The following RAC2 variants were observed in gnomAD, a reference collection of about 807,000 sequenced individuals.
RAC2 encodes ras-related C3 botulinum toxin substrate 2.
RAC2 carries 1 observed loss-of-function variant against 24.0 expected under a neutral mutation model. The ratio of observed to expected loss-of-function variants is 0.04; its 90% CI spans 0.01 to 0.20. The LOEUF (loss-of-function observed/expected upper bound fraction) is 0.20, where lower values mean the gene tolerates loss of function less well. Ranked by LOEUF, RAC2 falls within the 10% of genes least tolerant of loss-of-function variation. The pLI, the probability that RAC2 is intolerant of heterozygous loss-of-function variation, is 1.00. For synonymous variants in RAC2, 114 were observed against 106.8 expected, an observed-to-expected ratio of 1.07 and a Z score of -0.41; for missense variants, 130 against 259.1, an observed-to-expected ratio of 0.50 and a Z score of 3.42.
At chr22:37,229,619 C>A (rs1158482683) in intron 5 of RAC2, among the ~76,000 whole-genome samples, 1 of 152,176 alleles carries the variant, frequency 6.6e-6, no homozygotes, top group Non-Finnish European at 1.5e-5. Context: ...CCCTCACTAT[C>A]CCTGCCAGTC....
At chr22:37,227,536 C>CA (rs1569088044) in intron 5 of RAC2, among the ~76,000 whole-genome samples, 3 of 46,984 alleles carry the variant, frequency 6.4e-5, no homozygotes, top group East Asian at 9.2e-4. Flanking sequence ...ACGCCATACA[C>CA]CCCCTCCCAC....
intron 2 of RAC2, among the ~76,000 whole-genome samples, chr22:37,233,898 A>C (rs9607431): frequency 0.13 from 20,436 of 152,122 alleles, 1,474 homozygotes; most frequent in East Asian, 0.26. Context: ...CCAGGGAAAG[A>C]GGGCTGCTTC....
Position 37,226,619 on chromosome 22 carries a change from A to G in RAC2, c.*2+52T>C, listed in dbSNP as rs113662685. The G allele has an allele frequency of 6.6e-4, 1,050 of 1,599,854 alleles. 6 individuals carry two copies. In the African/African-American group the frequency reaches 0.011, roughly 17 times the overall value. ...CACAGTGAACCAAAGGCCACTGCTC[A>G]GCCAGGGCCTGCTGTGTATGGGAGT... On this transcript the variant is annotated intron_variant, in intron 6 of 6. Coordinates refer to ENST00000249071, the MANE Select transcript of RAC2 (RefSeq NM_002872.5).
chr22:37,238,867 C>G (rs1244023232), intron 2 of RAC2, among the ~76,000 whole-genome samples: 1 of 152,226 alleles, frequency 6.6e-6, no homozygotes, highest in Non-Finnish European at 1.5e-5. Flanking sequence ...GTGTCAGTTC[C>G]GAAGGTTCAG....
rs549367562 is a variant in RAC2 at position 37,231,191 on chromosome 22, C to T, written c.448+40G>A. 6.2e-7 allele frequency: 1 copy of T among 1,611,168 alleles called. No homozygotes were observed. Among genetic ancestry groups the T allele is most frequent in the African/African-American group, 1.3e-5 (1 of 74,946 alleles). On this transcript the variant is annotated intron_variant, in intron 5 of 6. Coordinates refer to ENST00000249071, the MANE Select transcript of RAC2 (RefSeq NM_002872.5). The surrounding 1 kb of genome is among the most constrained non-coding windows in gnomAD (Gnocchi z 5.5). ...CACCACGAGGCCAAGTCAGGGCCTC[C>T]CCTGCAGCCAGATCGCCCCTCTGAG...
Position 37,244,218 on chromosome 22 carries a change from G to A in RAC2, c.-70C>T. 6.3e-7 allele frequency: 1 copy of A among 1,581,026 alleles called. No homozygotes were observed. The highest frequency in any genetic ancestry group is 2.3e-5 in the East Asian group (1 of 43,482). ...AGGCGCGTTTCTGCGGGCGCAAGGGGTGTGGAGGCTGGTGAGGCGCCTGCT... is the reference window on the plus strand; with the variant it reads ...AGGCGCGTTTCTGCGGGCGCAAGGGATGTGGAGGCTGGTGAGGCGCCTGCT... On this transcript the variant is annotated 5_prime_UTR_variant, in exon 1 of 7. Transcript: ENST00000249071.
At chr22:37,233,507 C>T (rs1927137697) in intron 2 of RAC2, among the ~76,000 whole-genome samples, 1 of 152,088 alleles carries the variant, frequency 6.6e-6, no homozygotes, top group Non-Finnish European at 1.5e-5. Flanking sequence ...GGTCTCGAAC[C>T]CCTGAACTTA....
intron 2 of RAC2, among the ~76,000 whole-genome samples, chr22:37,235,678 G>C (rs955875079): frequency 6.6e-6 from 1 of 152,220 alleles, no homozygotes; most frequent in Non-Finnish European, 1.5e-5. Flanking sequence ...GACACAGTGA[G>C]GCATGATGGG....
At chr22:37,226,257 C>T (rs1180168969) in intron 6 of RAC2, among the ~76,000 whole-genome samples, 1 of 151,956 alleles carries the variant, frequency 6.6e-6, no homozygotes, top group Non-Finnish European at 1.5e-5. Flanking sequence ...ACTCACTGAC[C>T]CCACCATCTG....
At chr22:37,243,617 C>G (rs1927473904) in intron 1 of RAC2, among the ~76,000 whole-genome samples, 2 of 152,188 alleles carry the variant, frequency 1.3e-5, no homozygotes, top group South Asian at 4.1e-4. Flanking sequence ...CTCAAGCGAC[C>G]CCACAGCATC....
At chr22:37,236,894 TTTA>T (rs1927240546) in intron 2 of RAC2, among the ~76,000 whole-genome samples, 2 of 152,046 alleles carry the variant, frequency 1.3e-5, no homozygotes, top group African/African-American at 4.8e-5. Context: ...CAGATTTGCA[TTTA>T]TAAAAGGTCC....
At chr22:37,228,396 G>A (rs756011075) in intron 5 of RAC2, among the ~76,000 whole-genome samples, 7 of 152,242 alleles carry the variant, frequency 4.6e-5, no homozygotes, top group African/African-American at 7.2e-5. Flanking sequence ...CAAAGAGTCC[G>A]TGTGACTTCC....
Position 37,228,009 on chromosome 22 carries a change from T to C in RAC2, c.449-1206A>G, listed in dbSNP as rs56073008. 0.22 allele frequency among the ~76,000 whole-genome samples: 33,495 copies of C among 152,040 alleles called. 4,629 individuals are homozygous for C. The highest frequency in any genetic ancestry group is 0.39 in the African/African-American group (16,360 of 41,424). ...GGGAGCCTCACCTTCTAGAAAATTG[T>C]CTTGCCCATCCCTCCAGGATTCTCC... On this transcript the variant is annotated intron_variant, in intron 5 of 6. Coordinates refer to ENST00000249071, the MANE Select transcript of RAC2 (RefSeq NM_002872.5).
chr22:37,237,296 AG>A (rs1927258602), intron 2 of RAC2, among the ~76,000 whole-genome samples: 1 of 147,224 alleles, frequency 6.8e-6, no homozygotes, highest in African/African-American at 2.5e-5. Flanking sequence ...AGGGGAACAG[AG>A]GGGGAAACTG....
intron 5 of RAC2, among the ~76,000 whole-genome samples, chr22:37,227,768 C>A (rs1479408714): frequency 6.6e-6 from 1 of 151,282 alleles, no homozygotes; most frequent in East Asian, 2.0e-4. Flanking sequence ...GTGGGGTCAC[C>A]TGGAGGCTGT....
intron 1 of RAC2, among the ~76,000 whole-genome samples, 184 bp from the exon 2 acceptor site, chr22:37,241,842 A>T (rs1459604527): frequency 6.6e-6 from 1 of 152,094 alleles, no homozygotes; most frequent in Non-Finnish European, 1.5e-5. Flanking sequence ...AGTCATGTGG[A>T]TGTTTGTTAA....
chr22:37,233,317 C>T (rs1389062607), intron 2 of RAC2, among the ~76,000 whole-genome samples: 1 of 152,132 alleles, frequency 6.6e-6, no homozygotes, highest in Non-Finnish European at 1.5e-5. Flanking sequence ...GAATCACGCT[C>T]TGTCGCCCAG....
chr22:37,228,465 C>T (rs1926953656), intron 5 of RAC2, among the ~76,000 whole-genome samples: 1 of 152,242 alleles, frequency 6.6e-6, no homozygotes, highest in Admixed American at 6.5e-5. Context: ...ACCCCTTCTG[C>T]CGAGATGCTA....
At chr22:37,227,827 G>A (rs1926931380) in intron 5 of RAC2, among the ~76,000 whole-genome samples, 1 of 152,042 alleles carries the variant, frequency 6.6e-6, no homozygotes, top group African/African-American at 2.4e-5. Flanking sequence ...GTTTCCTCAT[G>A]TCTGTAATAG....
Sources: allele counts gnomAD v4.1 joint callset (sites outside exome capture counted in the v4.1 genomes callset), GRCh38; gene constraint gnomAD v4.1.1; non-coding constraint Gnocchi (gnomAD v3.1); transcripts MANE v1.5; gene names NCBI Gene and HGNC (gene_info 2026-07-23, HGNC 2026-07-21).